The following MELK variants were observed in gnomAD, a reference collection of about 807,000 sequenced individuals.
MELK encodes the protein maternal embryonic leucine zipper kinase.
Under a neutral mutation model 85.0 loss-of-function variants are expected in MELK, and 81 were observed. That is an observed-to-expected ratio of 0.95 (90% CI 0.80 to 1.15). The LOEUF is 1.15. Ranked by LOEUF, MELK falls within the 50% of genes most tolerant of loss-of-function variation. The pLI is 0.00. For synonymous variants in MELK, 252 were observed against 265.0 expected, an observed-to-expected ratio of 0.95 and a Z score of 0.48; for missense variants, 754 against 777.5, an observed-to-expected ratio of 0.97 and a Z score of 0.36.
chr9:36,631,199 C>T (rs947800336), intron 9 of MELK, among the ~76,000 whole-genome samples: 1 of 151,626 alleles, frequency 6.6e-6, no homozygotes, highest in African/African-American at 2.4e-5. Context: ...CCTGACCTCA[C>T]GTTTTCTGCC....
Position 36,677,436 on chromosome 9 carries a change from C to A in MELK, c.*99C>A. On this transcript the variant is annotated 3_prime_UTR_variant, in exon 18 of 18. Transcript: ENST00000298048. ...TGATTTTAAAGTTCATTGGAACTAC[C>A]AACTTGTTTCTAAAGAGCTATCTTA... 2 of 1,116,196 alleles carry A rather than the reference C, an allele frequency of 1.8e-6. No individual in the cohort carries two copies. The highest frequency in any genetic ancestry group is 2.4e-6 in the Non-Finnish European group (2 of 821,292). The allele number at this position is 1,116,196 out of a possible 1,614,324, so 69.1% of individuals were successfully genotyped here.
intron 7 of MELK, among the ~76,000 whole-genome samples, chr9:36,603,768 T>G (rs1825162043): frequency 6.6e-6 from 1 of 152,228 alleles, no homozygotes; most frequent in Non-Finnish European, 1.5e-5. Flanking sequence ...TTTGGTTTTT[T>G]TATGATTTTA....
intron 14 of MELK, among the ~76,000 whole-genome samples, chr9:36,666,853 T>TGTGTGTG (rs1832383352): frequency 1.5e-5 from 2 of 130,746 alleles, no homozygotes; most frequent in African/African-American, 2.9e-5. Context: ...ATGTCTGTGT[T>TGTGTGTG]TGTGTGTGTG....
Position 36,599,386 on chromosome 9 carries a change from A to T in MELK, c.475-8A>T. The T allele has an allele frequency of 6.3e-7, 1 of 1,580,240 alleles. No individual in the cohort carries two copies. ...AATTAATAAGTTTCATTTTTATCTTATTGGCAGGGTAACAAGGATTACCAT... is the reference window on the plus strand; with the variant it reads ...AATTAATAAGTTTCATTTTTATCTTTTTGGCAGGGTAACAAGGATTACCAT... On this transcript the variant is annotated splice_region_variant and splice_polypyrimidine_tract_variant and intron_variant, in intron 6 of 17. Transcript: ENST00000298048.
At chr9:36,677,095 C>T in intron 17 of MELK, 65 bp from the exon 18 acceptor site, 10 of 1,415,590 alleles carry the variant, frequency 7.1e-6, no homozygotes, top group Admixed American at 2.0e-5. Flanking sequence ...CTCCTAGAGG[C>T]TTAGAAAACT....
At chr9:36,630,167 A>G (rs1828387678) in intron 8 of MELK, 132 bp from the exon 9 acceptor site, 1 of 720,394 alleles carries the variant, frequency 1.4e-6, no homozygotes, top group African/African-American at 1.8e-5. Context: ...TTTTTTAGTT[A>G]ATAATGTTTA....
intron 8 of MELK, among the ~76,000 whole-genome samples, chr9:36,617,326 C>CA (rs1826931860): frequency 6.6e-6 from 1 of 151,382 alleles, no homozygotes; most frequent in African/African-American, 2.4e-5. Context: ...CAATCTTTTT[C>CA]TTTTTTTCTT....
At chr9:36,608,480 C>T (rs1307119990) in intron 8 of MELK, among the ~76,000 whole-genome samples, 4 of 151,744 alleles carry the variant, frequency 2.6e-5, no homozygotes, top group Admixed American at 2.0e-4. Context: ...TCCGTGGTTT[C>T]CGGCATCCAT....
chr9:36,591,873 C>G (rs1823626263), intron 4 of MELK, among the ~76,000 whole-genome samples: 1 of 151,988 alleles, frequency 6.6e-6, no homozygotes, highest in African/African-American at 2.4e-5. Context: ...CTACAGTGAG[C>G]TATGATTGCA....
chr9:36,616,547 G>A (rs1393727411), intron 8 of MELK, among the ~76,000 whole-genome samples: 1 of 151,674 alleles, frequency 6.6e-6, no homozygotes, highest in African/African-American at 2.4e-5. Flanking sequence ...CCACCACCGC[G>A]CCTAGCTAAT....
intron 9 of MELK, among the ~76,000 whole-genome samples, chr9:36,630,962 T>C (rs75071179): frequency 3.5e-5 from 5 of 142,292 alleles, no homozygotes; most frequent in African/African-American, 1.3e-4. Flanking sequence ...CCCCAGCTCT[T>C]TTTTTTTTTT....
Position 36,671,033 on chromosome 9 carries a change from A to T in MELK, c.1541A>T (p.His514Leu). 6.2e-7 allele frequency: 1 copy of T among 1,613,536 alleles called. No individual in the cohort carries two copies. The highest frequency in any genetic ancestry group is 8.5e-7 in the Non-Finnish European group (1 of 1,179,730). Residue 514 changes from histidine (H) to leucine (L), a missense_variant, in exon 16 of 18, where the codon CAT (histidine) becomes CTT (leucine). Transcript: ENST00000298048. ...GTGGAATTGGATCTCAACCAAGCACATATGGAGGAGACTCCAAAAAGAAAG... is the reference window on the plus strand; with the variant it reads ...GTGGAATTGGATCTCAACCAAGCACTTATGGAGGAGACTCCAAAAAGAAAG... Reference protein sequence around the residue: ...RSVELDLNQAHMEETPKRKGA... With the variant: ...RSVELDLNQALMEETPKRKGA...
intron 8 of MELK, among the ~76,000 whole-genome samples, chr9:36,627,243 C>T (rs1828031743): frequency 6.6e-6 from 1 of 152,070 alleles, no homozygotes; most frequent in African/African-American, 2.4e-5. Context: ...GGAAAACAGA[C>T]AGGTATGGAT....
In MELK at chr9:36,622,354, T is replaced by C. The variant is rs539454779; in HGVS notation, c.667-7945T>C. Among the ~76,000 whole-genome samples, 210 of 152,334 alleles carry C rather than the reference T, an allele frequency of 1.4e-3. 1 individual carries two copies. The Middle Eastern group carries it at 0.02, about 15-fold the overall frequency. On this transcript the variant is annotated intron_variant, in intron 8 of 17. Transcript: ENST00000298048. ...TATCTTTGCCTAGAATGTTCTAAAA[T>C]TCCTCACTTGGGAATAACACTTTCC...
chr9:36,642,428 T>C (rs978932844), intron 10 of MELK, among the ~76,000 whole-genome samples: 1 of 131,910 alleles, frequency 7.6e-6, no homozygotes, highest in Non-Finnish European at 1.6e-5. Flanking sequence ...CTTTTTTTTT[T>C]TTTTTTTTTT....
At chr9:36,610,483 G>T (rs909292940) in intron 8 of MELK, among the ~76,000 whole-genome samples, 2 of 152,208 alleles carry the variant, frequency 1.3e-5, no homozygotes, top group African/African-American at 4.8e-5. Flanking sequence ...TATTAACACC[G>T]CTTTGGGGAC....
At chr9:36,595,949 G>GGAATTACAGGT (rs1207518451) in intron 5 of MELK, among the ~76,000 whole-genome samples, 1 of 151,982 alleles carries the variant, frequency 6.6e-6, no homozygotes, top group African/African-American at 2.4e-5. Context: ...CTGAGTAGCT[G>GGAATTACAGGT]GAATTACAGG....
At chr9:36,577,635 A>G (rs893363086) in intron 1 of MELK, among the ~76,000 whole-genome samples, 1 of 149,938 alleles carries the variant, frequency 6.7e-6, no homozygotes, top group Non-Finnish European at 1.5e-5. Flanking sequence ...CCTGGCCTCG[A>G]CTAGATTTTA....
rs574362937 is a variant in MELK, at chr9:36,671,143, A to G, written c.1651A>G (p.Arg551Gly). Residue 551 changes from arginine (R) to glycine (G), a missense_variant, in exon 16 of 18, where the codon AGA becomes GGA. Coordinates refer to ENST00000298048, the MANE Select transcript of MELK (RefSeq NM_014791.4). ...CAGGAGCAAAAGGAAGGGTTCTGCC[A>G]GAGACGGGCCCAGAAGACTAAAGGT... ...LTRSKRKGSA[R>G]DGPRRLKLHY... is the part of the protein sequence containing the mutation. 2.0e-5 allele frequency: 32 copies of G among 1,607,110 alleles called. 2 individuals carry two copies. The South Asian group carries it at 3.1e-4, about 16-fold the overall frequency.
Sources: gnomAD v4.1 joint callset for allele counts (sites outside exome capture counted in the v4.1 genomes callset) on GRCh38, gnomAD v4.1.1 for gene constraint, MANE v1.5 for transcripts, NCBI Gene and HGNC (gene_info 2026-07-23, HGNC 2026-07-21) for gene names.